PTPN9: variants seen among roughly 807,000 people sequenced by gnomAD.
PTPN9 encodes tyrosine-protein phosphatase non-receptor type 9.
A neutral mutation model predicts 69.8 loss-of-function variants in PTPN9; 26 were observed. That is an observed-to-expected ratio of 0.37 (90% CI 0.27 to 0.52). The LOEUF (loss-of-function observed/expected upper bound fraction) is 0.52, where lower values mean the gene tolerates loss of function less well. PTPN9 is among the 20% of genes least tolerant of loss of function. The pLI is 0.91. For missense variants in PTPN9, 549 were observed against 740.3 expected, an observed-to-expected ratio of 0.74 and a Z score of 3.00; for synonymous variants, 274 against 272.5, an observed-to-expected ratio of 1.01 and a Z score of -0.05.
At chr15:75,509,912 A>C (rs1326030564) in intron 5 of PTPN9, among the ~76,000 whole-genome samples, 1 of 152,220 alleles carries the variant, frequency 6.6e-6, no homozygotes, top group African/African-American at 2.4e-5. Context: ...TGAACCCAGG[A>C]AGTGGAGGTT....
At chr15:75,513,246 G>C in intron 5 of PTPN9, 1 of 455,502 alleles carries the variant, frequency 2.2e-6, no homozygotes, top group South Asian at 1.6e-5. Flanking sequence ...TTCCTAGAAT[G>C]GTTTTTGATT....
chr15:75,520,580 C>A (rs543741298), intron 4 of PTPN9, among the ~76,000 whole-genome samples: 5 of 151,108 alleles, frequency 3.3e-5, no homozygotes, highest in Admixed American at 3.3e-4. Flanking sequence ...TGCAATAGTG[C>A]GATCTCTGCT....
At chr15:75,569,418 C>T (rs533398755) in intron 1 of PTPN9, among the ~76,000 whole-genome samples, 1 of 152,060 alleles carries the variant, frequency 6.6e-6, no homozygotes, top group African/African-American at 2.4e-5. Context: ...AACAGTTTAG[C>T]TCCTGGCCAG....
chr15:75,485,822 C>T (rs139413653), intron 8 of PTPN9, among the ~76,000 whole-genome samples: 8,554 of 150,508 alleles, frequency 0.057, 331 homozygotes, highest in Non-Finnish European at 0.087. Flanking sequence ...AACTGAAGGC[C>T]GGGCGCAGTG....
At chr15:75,575,369 A>G (rs2075167535) in intron 1 of PTPN9, among the ~76,000 whole-genome samples, 1 of 152,144 alleles carries the variant, frequency 6.6e-6, no homozygotes, top group South Asian at 2.1e-4. Context: ...TTGATCCCCT[A>G]CTTTAAATAA....
At chr15:75,562,364 C>T (rs2075107590) in intron 1 of PTPN9, among the ~76,000 whole-genome samples, 1 of 152,136 alleles carries the variant, frequency 6.6e-6, no homozygotes, top group Non-Finnish European at 1.5e-5. Flanking sequence ...TGGCTGAAAC[C>T]AGGAATGTTG....
intron 1 of PTPN9, among the ~76,000 whole-genome samples, chr15:75,554,293 C>G (rs932390572): frequency 4.3e-4 from 66 of 151,904 alleles, no homozygotes; most frequent in African/African-American, 1.5e-3. Flanking sequence ...CTCCCGGGTT[C>G]AAGCGATTCT....
chr15:75,498,447 G>A (rs944761972), intron 7 of PTPN9, among the ~76,000 whole-genome samples: 2 of 151,952 alleles, frequency 1.3e-5, no homozygotes, highest in Non-Finnish European at 1.5e-5. Context: ...GGGCACGGTG[G>A]CTCACACCTG....
At chr15:75,485,354 CTTTTTTTTT>C (rs891447336) in intron 8 of PTPN9, among the ~76,000 whole-genome samples, 7 of 78,764 alleles carry the variant, frequency 8.9e-5, no homozygotes, top group African/African-American at 3.2e-4. Flanking sequence ...ATTGTCACTT[CTTTTTTTTT>C]TTTTTTTTTT....
intron 7 of PTPN9, among the ~76,000 whole-genome samples, chr15:75,498,712 C>T (rs999112243): frequency 6.6e-6 from 1 of 151,906 alleles, no homozygotes; most frequent in Non-Finnish European, 1.5e-5. Context: ...AAGACTCTGT[C>T]TTAAAAAAAT....
intron 1 of PTPN9, among the ~76,000 whole-genome samples, chr15:75,567,853 G>C (rs376541609): frequency 6.6e-6 from 1 of 151,942 alleles, no homozygotes; most frequent in East Asian, 1.9e-4. Context: ...AAAATTAGCC[G>C]GGCGTGGTGG....
chr15:75,535,616 T>C (rs114687218), intron 1 of PTPN9, among the ~76,000 whole-genome samples: 2,843 of 152,342 alleles, frequency 0.019, 90 homozygotes, highest in African/African-American at 0.065. Context: ...CAAGATAAGA[T>C]GCAATGTCTG....
chr15:75,483,106 G>C (rs1398044667), intron 8 of PTPN9, among the ~76,000 whole-genome samples: 2 of 152,222 alleles, frequency 1.3e-5, no homozygotes. Flanking sequence ...CCTCATACAT[G>C]TGTAAACCCT....
rs574209190 is a variant in PTPN9 at position 75,470,503 on chromosome 15, G to A, written c.1359+177C>T. On this transcript the variant is annotated intron_variant, in intron 11 of 12. Coordinates refer to ENST00000618819, the MANE Select transcript of PTPN9 (RefSeq NM_002833.4). ...TTTACTCCTATTTAATGTTCCTATC[G>A]TGCTGCAGTAATATGGCTATATTGG... Among the ~76,000 whole-genome samples the A allele has an allele frequency of 5.3e-5, 8 of 152,194 alleles. No homozygotes were observed. In the South Asian group the frequency reaches 1.5e-3, roughly 28 times the overall value.
intron 12 of PTPN9, 112 bp from the exon 13 acceptor site, chr15:75,469,095 G>A (rs2074550960): frequency 9.8e-7 from 1 of 1,018,996 alleles, no homozygotes; most frequent in African/African-American, 1.6e-5. Flanking sequence ...GTGCCTCATG[G>A]CAGAAGGCCA....
At chr15:75,571,315 C>G (rs1040081038) in intron 1 of PTPN9, among the ~76,000 whole-genome samples, 4 of 152,086 alleles carry the variant, frequency 2.6e-5, no homozygotes, top group Non-Finnish European at 5.9e-5. Flanking sequence ...ACTTTTCTGA[C>G]TACTTATTAT....
chr15:75,516,990 A>G (rs2074873673), intron 5 of PTPN9, among the ~76,000 whole-genome samples: 1 of 138,698 alleles, frequency 7.2e-6, no homozygotes, highest in Non-Finnish European at 1.6e-5. Flanking sequence ...TGATCCACCC[A>G]CCTCGGCCTC....
At chr15:75,512,491 C>A (rs773190392) in intron 5 of PTPN9, among the ~76,000 whole-genome samples, 2 of 152,140 alleles carry the variant, frequency 1.3e-5, no homozygotes. Flanking sequence ...CTGGAGCCAG[C>A]TTAAGGTATT....
intron 4 of PTPN9, 39 bp downstream of exon 4, chr15:75,523,082 C>G: frequency 1.2e-6 from 2 of 1,603,496 alleles, no homozygotes; most frequent in South Asian, 1.1e-5. Flanking sequence ...ACTTTCCTAC[C>G]TGCATGTAGA....
Sources: gnomAD v4.1 joint callset for allele counts (sites outside exome capture counted in the v4.1 genomes callset) on GRCh38, gnomAD v4.1.1 for gene constraint, MANE v1.5 for transcripts, NCBI Gene and HGNC (gene_info 2026-07-23, HGNC 2026-07-21) for gene names.